Variants in TMEM128 observed in about 807,000 individuals in gnomAD.
TMEM128 encodes the protein transmembrane protein 128.
TMEM128 carries 16 observed loss-of-function variants against 19.7 expected under a neutral mutation model. The observed-to-expected ratio is 0.81, with a 90% CI of 0.55 to 1.23. The LOEUF (loss-of-function observed/expected upper bound fraction) is 1.23. Among genes scored for constraint, TMEM128 ranks in the 50% most tolerant of loss-of-function variants. The pLI is 0.00. For synonymous variants in TMEM128, 98 were observed against 75.8 expected (o/e 1.29, Z -1.52); for missense variants, 237 against 200.8 (o/e 1.18, Z -1.09).
intron 3 of TMEM128, among the ~76,000 whole-genome samples, chr4:4,238,851 A>T (rs1717829829): frequency 6.6e-6 from 1 of 152,140 alleles, no homozygotes; most frequent in African/African-American, 2.4e-5. Flanking sequence ...TGAGCAGCAC[A>T]GCGAAACCCC....
intron 2 of TMEM128, 123 bp downstream of exon 2, chr4:4,246,079 C>T: frequency 1.0e-6 from 1 of 986,618 alleles, no homozygotes. Flanking sequence ...CGTATCACCA[C>T]ACCTCCAACA....
At chr4:4,248,049 G>A in intron 1 of TMEM128, 57 bp downstream of exon 1, 1 of 1,527,700 alleles carries the variant, frequency 6.5e-7, no homozygotes, top group Admixed American at 2.0e-5. Context: ...CCGGAGGCCG[G>A]CCGTTTTCCG....
chr4:4,239,505 A>C (rs1490181686), intron 3 of TMEM128, among the ~76,000 whole-genome samples: 1 of 152,254 alleles, frequency 6.6e-6, no homozygotes, highest in Non-Finnish European at 1.5e-5. Flanking sequence ...AAAGGTACGT[A>C]CATCCAACAA....
intron 2 of TMEM128, among the ~76,000 whole-genome samples, chr4:4,240,885 C>T (rs1717930585): frequency 6.6e-6 from 1 of 152,192 alleles, no homozygotes; most frequent in African/African-American, 2.4e-5. Flanking sequence ...CGAGACCAGC[C>T]TGACCAACAC....
In TMEM128 at chr4:4,248,112, C is replaced by T; in HGVS notation, c.91G>A (p.Gly31Arg). ...EAQLDREGDA[G>R]PETSTAVEKK... is the part of the protein sequence containing the mutation. ...GGCTTGGTGCGCGCCTCACCCGGCC[C>T]GGCGTCACCCTCGCGGTCCAGCTGG... is the stretch of plus-strand genomic sequence containing the variant. The change falls in exon 1 of 5, where the codon GGG (glycine) becomes AGG (arginine). Residue 31 changes from glycine (G) to arginine (R), a missense_variant. Coordinates refer to ENST00000382753, the MANE Select transcript of TMEM128 (RefSeq NM_001297551.2). 6.5e-7 allele frequency: 1 copy of T among 1,535,950 alleles called. No individual in the cohort carries two copies. The highest frequency in any genetic ancestry group is 8.7e-7 in the Non-Finnish European group (1 of 1,144,202).
chr4:4,247,613 C>G (rs1270738533), intron 1 of TMEM128: 2 of 1,614,174 alleles, frequency 1.2e-6, no homozygotes, highest in Admixed American at 3.3e-5. Context: ...GTTTTGTACC[C>G]AAATGGCGGC....
At chr4:4,247,675 C>G in intron 1 of TMEM128, 1 of 1,613,890 alleles carries the variant, frequency 6.2e-7, no homozygotes, top group Non-Finnish European at 8.5e-7. Context: ...TTGGTACATA[C>G]GAGTCGACCT....
In TMEM128 at chr4:4,237,696, G is replaced by A; in HGVS notation, c.*9+131C>T. On this transcript the variant is annotated intron_variant, in intron 4 of 4. Transcript: ENST00000382753. ...TCAATGAATGGATAATTCTAGTGTGGACAACTCTGGTGTAAACATGACTGA... is the reference window on the plus strand; with the variant it reads ...TCAATGAATGGATAATTCTAGTGTGAACAACTCTGGTGTAAACATGACTGA... 3 of 594,606 alleles carry A rather than the reference G, an allele frequency of 5.0e-6. 1 individual carries two copies. In the South Asian group the frequency reaches 5.7e-5, roughly 11 times the overall value. 36.8% of individuals were successfully genotyped at this position (594,606 alleles called of 1,614,324 possible). A position where few individuals can be genotyped will look rare whatever the true frequency, so the allele number is the denominator to read the frequency against.
intron 1 of TMEM128, 50 bp from the exon 2 acceptor site, chr4:4,246,393 G>A (rs776841809): frequency 1.9e-6 from 3 of 1,553,846 alleles, no homozygotes; most frequent in Non-Finnish European, 2.6e-6. Context: ...ATTTTGCGAG[G>A]AAAAATTACA....
chr4:4,247,617 T>C (rs1486613264), intron 1 of TMEM128: 36 of 1,614,252 alleles, frequency 2.2e-5, no homozygotes, highest in Middle Eastern at 1.6e-4. Flanking sequence ...TGTACCCAAA[T>C]GGCGGCATAC....
chr4:4,248,082 G>C, intron 1 of TMEM128, 24 bp downstream of exon 1: 3 of 1,535,014 alleles, frequency 2.0e-6, no homozygotes, highest in Non-Finnish European at 2.6e-6. Context: ...TGAGAACCTC[G>C]GGGCGGCTTG....
intron 3 of TMEM128, 35 bp downstream of exon 3, chr4:4,240,286 G>A (rs771744508): frequency 2.5e-6 from 4 of 1,605,072 alleles, no homozygotes; most frequent in African/African-American, 2.7e-5. Context: ...AAAATTTGTT[G>A]TTCATTCCTG....
At chr4:4,247,822 A>C (rs1271730779) in intron 1 of TMEM128, 1 of 1,431,298 alleles carries the variant, frequency 7.0e-7, no homozygotes, top group Non-Finnish European at 9.2e-7. Context: ...ACTGCGGTAC[A>C]CGCATGTTTC....
chr4:4,242,206 C>T (rs1367823369), intron 2 of TMEM128, among the ~76,000 whole-genome samples: 1 of 152,138 alleles, frequency 6.6e-6, no homozygotes, highest in Non-Finnish European at 1.5e-5. Context: ...CCATGCCCAG[C>T]CATCACTCAA....
intron 1 of TMEM128, 148 bp downstream of exon 1, chr4:4,247,958 G>A (rs1431254352): frequency 5.6e-6 from 8 of 1,436,314 alleles, no homozygotes; most frequent in Non-Finnish European, 7.3e-6. Flanking sequence ...ACAGCACTCC[G>A]CGATTCTAAG....
chr4:4,237,163 A>G, intron 4 of TMEM128: 1 of 429,264 alleles, frequency 2.3e-6, no homozygotes, highest in Non-Finnish European at 4.6e-6. Context: ...AGTCAGAATA[A>G]TTAGAAGATG....
intron 1 of TMEM128, 139 bp downstream of exon 1, chr4:4,247,967 A>AG (rs1718263004): frequency 7.6e-6 from 11 of 1,440,410 alleles, no homozygotes; most frequent in Non-Finnish European, 1.0e-5. Flanking sequence ...CGCGATTCTA[A>AG]GGATCTTCCC....
intron 1 of TMEM128, chr4:4,247,596 G>A: frequency 5.0e-6 from 8 of 1,614,162 alleles, no homozygotes; most frequent in Non-Finnish European, 5.9e-6. Flanking sequence ...TACATCACAA[G>A]TTACCTGTTT....
At chr4:4,237,376 T>A (rs1233972506) in intron 4 of TMEM128, among the ~76,000 whole-genome samples, 1 of 152,130 alleles carries the variant, frequency 6.6e-6, no homozygotes, top group African/African-American at 2.4e-5. Flanking sequence ...CAGGGTACCT[T>A]CTCTAAAAAG....
Sources: gnomAD v4.1 joint callset for allele counts (sites outside exome capture counted in the v4.1 genomes callset) on GRCh38, gnomAD v4.1.1 for gene constraint, MANE v1.5 for transcripts, NCBI Gene and HGNC (gene_info 2026-07-23, HGNC 2026-07-21) for gene names.